Variants in ARHGEF12 observed in about 807,000 individuals in gnomAD.
The protein encoded by ARHGEF12 is KMT2A/ARHGEF12 fusion protein.
Under a neutral mutation model 211.2 loss-of-function variants are expected in ARHGEF12, and 66 were observed. That is an observed-to-expected ratio of 0.31 (90% CI 0.26 to 0.38). ARHGEF12 has a LOEUF of 0.38. Among genes scored for constraint, ARHGEF12 ranks in the 10% least tolerant of loss-of-function variants. The pLI, the probability that ARHGEF12 is intolerant of heterozygous loss-of-function variation, is 1.00. For synonymous variants in ARHGEF12, 592 were observed against 638.4 expected (o/e 0.93, Z 1.09); for missense variants, 1,429 against 1,869.5 (o/e 0.76, Z 4.34).
intron 1 of ARHGEF12, among the ~76,000 whole-genome samples, chr11:120,381,571 A>G (rs764083378): frequency 2.6e-5 from 4 of 152,170 alleles, no homozygotes; most frequent in South Asian, 2.1e-4. Context: ...AAGTTATGTC[A>G]TACATTTGTA....
chr11:120,352,799 G>T (rs1943024160), intron 1 of ARHGEF12, among the ~76,000 whole-genome samples: 1 of 152,190 alleles, frequency 6.6e-6, no homozygotes, highest in Non-Finnish European at 1.5e-5. Context: ...AAGGGGATCT[G>T]TTACGTGTAC....
chr11:120,373,844 G>C (rs1392282353), intron 1 of ARHGEF12, among the ~76,000 whole-genome samples: 1 of 152,158 alleles, frequency 6.6e-6, no homozygotes, highest in African/African-American at 2.4e-5. Flanking sequence ...TTTCGCTCTT[G>C]TTGCCTGGGC....
intron 11 of ARHGEF12, among the ~76,000 whole-genome samples, chr11:120,433,913 G>A (rs540767295): frequency 2.5e-4 from 38 of 152,194 alleles, no homozygotes; most frequent in East Asian, 5.8e-4. Flanking sequence ...AGCCAAGATC[G>A]CGCCATTGCA....
rs569573191 is a variant in ARHGEF12 at position 120,395,760 on chromosome 11, A to ACC, written c.33-10350_33-10349dup. 5.5e-5 allele frequency among the ~76,000 whole-genome samples: 8 copies of ACC among 145,862 alleles called. No homozygotes were observed. In the East Asian group the frequency reaches 1.0e-3, roughly 18 times the overall value. On this transcript the variant is annotated intron_variant, in intron 1 of 40. Transcript: ENST00000397843. ...TATCCCAAGAACAGCATGGGAAAAG[A>ACC]CCCCCCCCCTTCATGATTCAATTAC...
chr11:120,405,275 A>G (rs1014730047), intron 1 of ARHGEF12, among the ~76,000 whole-genome samples: 6 of 152,196 alleles, frequency 3.9e-5, no homozygotes, highest in Admixed American at 3.9e-4. Flanking sequence ...AAAATGCCAT[A>G]GGTTGAAATA....
In ARHGEF12 at chr11:120,485,210, C is replaced by A; in HGVS notation, c.*133C>A. 3 of 1,143,766 alleles carry A rather than the reference C, an allele frequency of 2.6e-6. No homozygotes were observed. Among genetic ancestry groups the A allele is most frequent in the Admixed American group, 2.0e-5 (1 of 50,720 alleles). 70.9% of individuals were successfully genotyped at this position (1,143,766 alleles called of 1,614,324 possible). On this transcript the variant is annotated 3_prime_UTR_variant, in exon 41 of 41. Coordinates refer to ENST00000397843, the MANE Select transcript of ARHGEF12 (RefSeq NM_015313.3). ...TGCCTGTGAACCACCTGGGATTAGT[C>A]AAGTCCCAAGGTGCCCAGAGTGGGA... is the stretch of plus-strand genomic sequence containing the variant.
intron 35 of ARHGEF12, 50 bp downstream of exon 35, chr11:120,477,355 GA>G: frequency 1.9e-6 from 3 of 1,606,578 alleles, no homozygotes; most frequent in Non-Finnish European, 2.6e-6. Flanking sequence ...TTTTGGGTTG[GA>G]AAAGACTAGG....
Position 120,337,003 on chromosome 11 carries a change from C to G in ARHGEF12, c.-241C>G, listed in dbSNP as rs1942369886. 1.8e-6 allele frequency: 1 copy of G among 546,672 alleles called. No homozygotes were observed. Among genetic ancestry groups the G allele is most frequent in the Admixed American group, 3.4e-5 (1 of 29,600 alleles). 33.9% of individuals were successfully genotyped at this position (546,672 alleles called of 1,614,324 possible). A position where few individuals can be genotyped will look rare whatever the true frequency, so the allele number is the denominator to read the frequency against. ...TGGAGGATTTCTCTCTAGCTCGACT[C>G]ACTCTGGACTGACTCGCTCCCTGGC... On this transcript the variant is annotated 5_prime_UTR_variant, in exon 1 of 41. Transcript: ENST00000397843.
intron 1 of ARHGEF12, among the ~76,000 whole-genome samples, chr11:120,353,026 C>G (rs1455273601): frequency 6.6e-6 from 1 of 152,230 alleles, no homozygotes; most frequent in East Asian, 1.9e-4. Flanking sequence ...TCTAAGAGTC[C>G]AGCAAGCTCA....
chr11:120,429,956 C>T lies in ARHGEF12; in HGVS notation c.783+125C>T, dbSNP rs188274476. The stretch of plus-strand genomic sequence containing the variant: ...TTCTAGCGTAGGACAACAGGATGTC[C>T]TGTTAAGGATGTTACAGAAGTAATG... On this transcript the variant is annotated intron_variant, in intron 10 of 40. Coordinates refer to ENST00000397843, the MANE Select transcript of ARHGEF12 (RefSeq NM_015313.3). The T allele has an allele frequency of 3.8e-6, 4 of 1,063,396 alleles. No homozygotes were observed. In the East Asian group the frequency reaches 1.1e-4, roughly 29 times the overall value. 65.9% of individuals were successfully genotyped at this position (1,063,396 alleles called of 1,614,324 possible). A position where few individuals can be genotyped will look rare whatever the true frequency, so the allele number is the denominator to read the frequency against.
At chr11:120,340,227 A>G (rs772351001) in intron 1 of ARHGEF12, among the ~76,000 whole-genome samples, 5 of 152,202 alleles carry the variant, frequency 3.3e-5, no homozygotes, top group Non-Finnish European at 7.3e-5. Flanking sequence ...GGGGTCCTAT[A>G]GCAATTGGAA....
intron 39 of ARHGEF12, among the ~76,000 whole-genome samples, chr11:120,482,309 A>G (rs1323482132): frequency 1.3e-5 from 2 of 152,218 alleles, no homozygotes; most frequent in East Asian, 1.9e-4. Flanking sequence ...CCCAAATCCT[A>G]TGACAGATAG....
intron 10 of ARHGEF12, 25 bp downstream of exon 10, chr11:120,429,856 C>T: frequency 6.3e-7 from 1 of 1,577,976 alleles, no homozygotes; most frequent in South Asian, 1.2e-5. Context: ...ACAAGTGCTA[C>T]CCAACTTTTT....
At chr11:120,458,381 T>C (rs1946426939) in intron 25 of ARHGEF12, 147 bp downstream of exon 25, 1 of 800,600 alleles carries the variant, frequency 1.2e-6, no homozygotes, top group Non-Finnish European at 1.9e-6. Flanking sequence ...AGATAATCCT[T>C]GAACTCAAGA....
intron 1 of ARHGEF12, among the ~76,000 whole-genome samples, chr11:120,395,078 A>G (rs922390870): frequency 5.3e-5 from 8 of 151,408 alleles, no homozygotes; most frequent in African/African-American, 9.7e-5. Context: ...AAAAAAAAAA[A>G]AAGATAAGGG....
chr11:120,444,687 G>C (rs1331751939), intron 15 of ARHGEF12, among the ~76,000 whole-genome samples: 4 of 152,158 alleles, frequency 2.6e-5, no homozygotes, highest in Admixed American at 2.6e-4. Flanking sequence ...AAGAGGTTAA[G>C]ATATTTTCTC....
intron 39 of ARHGEF12, among the ~76,000 whole-genome samples, chr11:120,484,093 C>G (rs998870038): frequency 4.6e-5 from 7 of 152,156 alleles, no homozygotes; most frequent in African/African-American, 1.7e-4. Context: ...GTATGCAGGC[C>G]GCCATGTCTT....
chr11:120,434,526 C>T (rs1945638494), intron 11 of ARHGEF12, among the ~76,000 whole-genome samples: 1 of 152,136 alleles, frequency 6.6e-6, no homozygotes, highest in Admixed American at 6.5e-5. Flanking sequence ...ATGGAGGACC[C>T]GGTCTGCTTT....
At position 120,395,247 on chromosome 11, in the gene ARHGEF12, G is replaced by GT. The variant is rs1204349130; in HGVS notation, c.33-10870dup. On this transcript the variant is annotated intron_variant, in intron 1 of 40. Coordinates refer to ENST00000397843, the MANE Select transcript of ARHGEF12 (RefSeq NM_015313.3). ...AAATATATATGCACTCTGTGTGTATGTATGTGTGTGTAATGACCGGGTAGG... is the reference window on the plus strand; with the variant it reads ...AAATATATATGCACTCTGTGTGTATGTTATGTGTGTGTAATGACCGGGTAGG... 5.9e-5 allele frequency among the ~76,000 whole-genome samples: 9 copies of GT among 152,122 alleles called. No homozygotes were observed. In the East Asian group the frequency reaches 1.7e-3, roughly 29 times the overall value.
Sources: allele counts gnomAD v4.1 joint callset (sites outside exome capture counted in the v4.1 genomes callset), GRCh38; gene constraint gnomAD v4.1.1; transcripts MANE v1.5; gene names NCBI Gene and HGNC (gene_info 2026-07-23, HGNC 2026-07-21).